Variants in JAG1 observed in about 807,000 individuals in gnomAD.
The protein encoded by JAG1 is protein jagged-1.
In JAG1, 23 loss-of-function variants were observed where a neutral mutation model predicts 148.7. That is an observed-to-expected ratio of 0.15 (90% CI 0.11 to 0.22). The LOEUF is 0.22. JAG1 is among the 10% of genes least tolerant of loss of function. The pLI, the probability that JAG1 is intolerant of heterozygous loss-of-function variation, is 1.00. For missense variants in JAG1, 1,054 were observed against 1,611.2 expected (o/e 0.65, Z 5.92); for synonymous variants, 572 against 598.3 (o/e 0.96, Z 0.64).
At position 10,664,243 on chromosome 20, in the gene JAG1, G is replaced by A. The variant is rs141132457; in HGVS notation, c.388-229C>T. Among the ~76,000 whole-genome samples, 1,997 of 152,144 alleles carry A rather than the reference G, an allele frequency of 0.013. 31 individuals carry two copies. Among genetic ancestry groups the A allele is most frequent in the African/African-American group, 0.04 (1,650 of 41,464 alleles). Reference sequence around the variant, plus strand: ...ATGACTCCTTTCACCTGGCAGGGACGCACTGGAGTCAACATGCATGCAGGC... The same window carrying A: ...ATGACTCCTTTCACCTGGCAGGGACACACTGGAGTCAACATGCATGCAGGC... On this transcript the variant is annotated intron_variant, in intron 2 of 25. Coordinates refer to ENST00000254958, the MANE Select transcript of JAG1 (RefSeq NM_000214.3).
In JAG1 at chr20:10,649,070, G is replaced by C; in HGVS notation, c.1386C>G (p.Ala462=). The C allele has an allele frequency of 6.2e-7, 1 of 1,609,968 alleles. No individual in the cohort carries two copies. Among genetic ancestry groups the C allele is most frequent in the Non-Finnish European group, 8.5e-7 (1 of 1,176,262 alleles). Residue 462 remains alanine (A), a synonymous_variant, in exon 11 of 26, where the codon GCC becomes GCG. Transcript: ENST00000254958. The part of the protein sequence containing the change: ...NDCLGQCQND[A]SCRDLVNGYR... ...GCAAAGATTTACATACCCGACAGGA[G>C]GCGTCATTCTGACACTGGCCAAGGC...
chr20:10,672,916 C>T lies in JAG1; in HGVS notation c.172G>A (p.Ala58Thr). The change falls in exon 2 of 26, where the codon GCC becomes ACC. Residue 58 changes from alanine to threonine, a missense_variant. Ala to Thr is a moderately conservative substitution (Grantham distance 58, BLOSUM62 0). Around this residue, in one of 6 missense-constraint regions of JAG1, gnomAD observed 151 missense variants for 211.1 expected, o/e 0.72. Coordinates refer to ENST00000254958, the MANE Select transcript of JAG1 (RefSeq NM_000214.3). Reference protein sequence around the residue: ...ELQNGNCCGGARNPGDRKCTR... With the variant: ...ELQNGNCCGGTRNPGDRKCTR... ...CACTTGCGGTCTCCCGGGTTCCGGGCGCCGCCGCAGCAGTTCCCGTTCTGC... is the reference window on the plus strand; with the variant it reads ...CACTTGCGGTCTCCCGGGTTCCGGGTGCCGCCGCAGCAGTTCCCGTTCTGC... The T allele has an allele frequency of 6.2e-7, 1 of 1,613,158 alleles. No homozygotes were observed. The highest frequency in any genetic ancestry group is 8.5e-7 in the Non-Finnish European group (1 of 1,180,010).
intron 2 of JAG1, among the ~76,000 whole-genome samples, chr20:10,668,250 C>A (rs535288283): frequency 6.6e-6 from 1 of 152,212 alleles, no homozygotes; most frequent in Non-Finnish European, 1.5e-5. Flanking sequence ...CCATTTCCAC[C>A]ACCATTTTAG....
At chr20:10,660,752 C>G (rs944630346) in intron 3 of JAG1, among the ~76,000 whole-genome samples, 5 of 152,212 alleles carry the variant, frequency 3.3e-5, no homozygotes, top group African/African-American at 1.2e-4. Flanking sequence ...GCTTCCTGAT[C>G]ACGCTTTCCT....
In JAG1 at chr20:10,649,518, T is replaced by C; in HGVS notation, c.1348+4A>G. On this transcript the variant is annotated splice_donor_region_variant and intron_variant, in intron 10 of 25. Transcript: ENST00000254958. The stretch of plus-strand genomic sequence containing the variant: ...AAAATCAAAATGGAAACAAAGTCAC[T>C]CACTTATGTCACAATTCTGACCCAT... 1 of 1,561,826 alleles carries C rather than the reference T, an allele frequency of 6.4e-7. No homozygotes were observed.
Position 10,657,874 on chromosome 20 carries a change from G to T in JAG1, c.694+594C>A, listed in dbSNP as rs568038336. ...GCTGCAAGGCTACCCTGAATGCAGG[G>T]GCTATCATTTCCTATAGGATAGCCT... On this transcript the variant is annotated intron_variant, in intron 4 of 25. Coordinates refer to ENST00000254958, the MANE Select transcript of JAG1 (RefSeq NM_000214.3). Among the ~76,000 whole-genome samples the T allele has an allele frequency of 5.3e-5, 8 of 152,248 alleles. No homozygotes were observed. In the East Asian group the frequency reaches 7.7e-4, roughly 15 times the overall value.
Position 10,673,151 on chromosome 20 carries a change from A to C in JAG1, c.82-145T>G, listed in dbSNP as rs1357818965. On this transcript the variant is annotated intron_variant, in intron 1 of 25. Coordinates refer to ENST00000254958, the MANE Select transcript of JAG1 (RefSeq NM_000214.3). The surrounding 1 kb of genome is among the most constrained non-coding windows in gnomAD (Gnocchi z 4.7). ...TTTGCGAAACTACGTTCAAGGACTC[A>C]ACATGATTCCGGGGCAAAAAAAAAA... 6 of 710,208 alleles carry C rather than the reference A, an allele frequency of 8.4e-6. No individual in the cohort carries two copies. The African/African-American group carries it at 1.1e-4, about 13-fold the overall frequency. 44.0% of individuals were successfully genotyped at this position (710,208 alleles called of 1,614,324 possible). A position where few individuals can be genotyped will look rare whatever the true frequency, so the allele number is the denominator to read the frequency against.
Position 10,645,315 on chromosome 20 carries a change from A to C in JAG1, c.2113+41T>G, listed in dbSNP as rs745898503. ...GCCCCCTCCCACAGAAGACAGAGGG[A>C]AGGGTCCCAGAGATAGCATCCAAGG... On this transcript the variant is annotated intron_variant, in intron 16 of 25. Coordinates refer to ENST00000254958, the MANE Select transcript of JAG1 (RefSeq NM_000214.3). The surrounding 1 kb of genome is among the most constrained non-coding windows in gnomAD (Gnocchi z 6.1). 2.5e-6 allele frequency: 4 copies of C among 1,605,572 alleles called. No individual in the cohort carries two copies. In the East Asian group the frequency reaches 6.7e-5, roughly 27 times the overall value.
At chr20:10,665,956 G>A (rs1424058110) in intron 2 of JAG1, among the ~76,000 whole-genome samples, 2 of 152,126 alleles carry the variant, frequency 1.3e-5, no homozygotes, top group African/African-American at 4.8e-5. Context: ...GTTGCTGACC[G>A]ACATCACCCC....
intron 14 of JAG1, 35 bp downstream of exon 14, chr20:10,646,904 G>A (rs1472635938): frequency 1.2e-6 from 2 of 1,607,330 alleles, no homozygotes; most frequent in African/African-American, 2.7e-5. Flanking sequence ...GCAGGCTGGG[G>A]AGCACTGGTC....
At chr20:10,650,200 C>A in intron 9 of JAG1, 47 bp downstream of exon 9, 1 of 1,296,480 alleles carries the variant, frequency 7.7e-7, no homozygotes, top group Non-Finnish European at 1.1e-6. Context: ...CTTTGACAAT[C>A]AAAGCCAACC....
In JAG1 at chr20:10,658,538, T is replaced by C; in HGVS notation, c.624A>G (p.Gly208=). Residue 208 remains glycine (G), a synonymous_variant, in exon 4 of 26, where the codon GGA becomes GGG. Coordinates refer to ENST00000254958, the MANE Select transcript of JAG1 (RefSeq NM_000214.3). ...TGCCATTCTGGTCACAGGCATAGTG[T>C]CCAAAGAAGTCATCTCTGGGGCGGC... is the stretch of plus-strand genomic sequence containing the variant. The part of the protein sequence containing the change: ...KFCRPRDDFF[G]HYACDQNGNK... 6.2e-7 allele frequency: 1 copy of C among 1,614,180 alleles called. No individual in the cohort carries two copies. The highest frequency in any genetic ancestry group is 1.1e-5 in the South Asian group (1 of 91,084).
Position 10,658,664 on chromosome 20 carries a change from C to T in JAG1, c.498G>A (p.Gln166=), listed in dbSNP as rs755665414. 1 of 1,614,272 alleles carries T rather than the reference C, an allele frequency of 6.2e-7. No homozygotes were observed. Among genetic ancestry groups the T allele is most frequent in the South Asian group, 1.1e-5 (1 of 91,090 alleles). ...CCGTGTTCTGCTTCAGCGTCTGCCA[C>T]TGCCGGCTGGGGTTGATCATGCCCG... ...SHSGMINPSR[Q]WQTLKQNTGV... Residue 166 remains glutamine, a synonymous_variant, in exon 4 of 26, where the codon CAG becomes CAA. Transcript: ENST00000254958.
At chr20:10,640,372 C>G (rs11699674) in intron 25 of JAG1, among the ~76,000 whole-genome samples, 10,133 of 149,358 alleles carry the variant, frequency 0.068, 497 homozygotes, top group Non-Finnish European at 0.09. Flanking sequence ...AAACGGTGCT[C>G]GAGATCCTCA....
chr20:10,670,126 C>T (rs545704650), intron 2 of JAG1, among the ~76,000 whole-genome samples: 3 of 152,304 alleles, frequency 2.0e-5, no homozygotes, highest in South Asian at 4.1e-4. Flanking sequence ...TTCACATGCA[C>T]ACCAGAACAT....
intron 5 of JAG1, among the ~76,000 whole-genome samples, chr20:10,653,226 TCCCATTACTGTG>T (rs2067357988): frequency 6.7e-6 from 1 of 150,122 alleles, no homozygotes; most frequent in Non-Finnish European, 1.5e-5. Context: ...ATAATTTGTG[TCCCATTACTGTG>T]TGCTAATTTA....
intron 2 of JAG1, among the ~76,000 whole-genome samples, chr20:10,672,056 G>A (rs1432132072): frequency 6.6e-6 from 1 of 152,104 alleles, no homozygotes; most frequent in Non-Finnish European, 1.5e-5. Flanking sequence ...GCGGGGGCAG[G>A]AAGGGGCCAG....
At chr20:10,668,413 G>A (rs998790830) in intron 2 of JAG1, among the ~76,000 whole-genome samples, 1 of 152,238 alleles carries the variant, frequency 6.6e-6, no homozygotes, top group Non-Finnish European at 1.5e-5. Flanking sequence ...GTAGGTGGAA[G>A]AGCAACATGC....
At position 10,637,953 on chromosome 20, in the gene JAG1, TCAG is replaced by T. The variant is rs1333401721; in HGVS notation, c.*1542_*1544del. On this transcript the variant is annotated 3_prime_UTR_variant, in exon 26 of 26. Coordinates refer to ENST00000254958, the MANE Select transcript of JAG1 (RefSeq NM_000214.3). The stretch of plus-strand genomic sequence containing the variant: ...GCAAAGCCGGTAGAACTACGTAAGC[TCAG>T]AAGAGGCCACACTGTTCCATGTTTT... The T allele has an allele frequency of 1.3e-5, 2 of 152,638 alleles. No homozygotes were observed. Among genetic ancestry groups the T allele is most frequent in the African/African-American group, 4.8e-5 (2 of 41,446 alleles). The allele number at this position is 152,638 out of a possible 1,614,324, so 9.5% of individuals were successfully genotyped here. A position where few individuals can be genotyped will look rare whatever the true frequency, so the allele number is the denominator to read the frequency against.
Sources: allele counts gnomAD v4.1 joint callset (sites outside exome capture counted in the v4.1 genomes callset), GRCh38; gene constraint gnomAD v4.1.1; regional missense constraint gnomAD v4.1.1; non-coding constraint Gnocchi (gnomAD v3.1); transcripts MANE v1.5; gene names NCBI Gene and HGNC (gene_info 2026-07-23, HGNC 2026-07-21).